Variants in FRMD4B observed in about 807,000 individuals in gnomAD.
FRMD4B encodes FERM domain-containing protein 4B.
FRMD4B carries 74 observed loss-of-function variants against 141.5 expected under a neutral mutation model. The ratio of observed to expected loss-of-function variants is 0.52; its 90% confidence interval spans 0.43 to 0.63. FRMD4B has a LOEUF of 0.63. Among genes scored for constraint, FRMD4B ranks in the 30% least tolerant of loss-of-function variants. FRMD4B has a pLI of 0.00. For missense variants in FRMD4B, 1,366 were observed against 1,253.4 expected (o/e 1.09, Z -1.36); for synonymous variants, 506 against 467.9 (o/e 1.08, Z -1.05).
intron 1 of FRMD4B, among the ~76,000 whole-genome samples, chr3:69,326,678 C>T (rs1416930720): frequency 6.6e-6 from 1 of 152,100 alleles, no homozygotes; most frequent in Non-Finnish European, 1.5e-5. Flanking sequence ...AGGGGCTAGG[C>T]CAAGCTCAAA....
chr3:69,485,847 C>T (rs977373644), intron 1 of FRMD4B, among the ~76,000 whole-genome samples: 1 of 152,246 alleles, frequency 6.6e-6, no homozygotes. Flanking sequence ...GGGCTGTCCA[C>T]CTCCCTGTGC....
chr3:69,274,833 T>C (rs566770272), intron 5 of FRMD4B, among the ~76,000 whole-genome samples: 6 of 152,340 alleles, frequency 3.9e-5, no homozygotes, highest in South Asian at 4.1e-4. Context: ...TGTTGATTCT[T>C]TAATCATTCA....
intron 1 of FRMD4B, among the ~76,000 whole-genome samples, chr3:69,528,956 C>T (rs764009392): frequency 3.9e-5 from 6 of 152,168 alleles, no homozygotes; most frequent in Non-Finnish European, 8.8e-5. Context: ...CCCTGTTCAT[C>T]ACTGGAGGGA....
intron 2 of FRMD4B, among the ~76,000 whole-genome samples, chr3:69,401,316 A>T (rs576700920): frequency 1.3e-5 from 2 of 152,194 alleles, no homozygotes; most frequent in South Asian, 4.1e-4. Context: ...GGGACAGAGG[A>T]GGGATATCAG....
intron 5 of FRMD4B, among the ~76,000 whole-genome samples, chr3:69,266,470 C>T (rs977182798): frequency 6.6e-6 from 1 of 152,116 alleles, no homozygotes; most frequent in South Asian, 2.1e-4. Context: ...GGATTACAGG[C>T]ACCTGCCACC....
chr3:69,486,570 C>T (rs1706219608), intron 1 of FRMD4B, among the ~76,000 whole-genome samples: 1 of 152,070 alleles, frequency 6.6e-6, no homozygotes, highest in Admixed American at 6.6e-5. Context: ...GGGAATTGAA[C>T]CTATAACTTC....
chr3:69,361,463 C>T, intron 1 of FRMD4B, among the ~76,000 whole-genome samples: 1 of 152,008 alleles, frequency 6.6e-6, no homozygotes, highest in South Asian at 2.1e-4. Context: ...CCACATCCCC[C>T]CCAAGATATA....
intron 11 of FRMD4B, among the ~76,000 whole-genome samples, chr3:69,213,517 ACTC>A (rs1398103460): frequency 6.6e-6 from 1 of 152,054 alleles, no homozygotes; most frequent in African/African-American, 2.4e-5. Flanking sequence ...TAGTACTTAT[ACTC>A]CTCCTGGAAA....
At chr3:69,369,317 T>G (rs968082849) in intron 1 of FRMD4B, among the ~76,000 whole-genome samples, 6 of 152,106 alleles carry the variant, frequency 3.9e-5, no homozygotes, top group Admixed American at 1.3e-4. Context: ...GATTTAAGCA[T>G]GACCTATTTA....
At chr3:69,460,273 T>C (rs1705689782) in intron 1 of FRMD4B, among the ~76,000 whole-genome samples, 1 of 152,238 alleles carries the variant, frequency 6.6e-6, no homozygotes, top group South Asian at 2.1e-4. Flanking sequence ...TCACATGTTG[T>C]TGGCCAGAGA....
At chr3:69,390,146 G>C (rs748533389), upstream of FRMD4B, among the ~76,000 whole-genome samples, 2 of 152,180 alleles carry the variant, frequency 1.3e-5, no homozygotes, top group Non-Finnish European at 2.9e-5. Context: ...ATGCCAAGAA[G>C]ATAGGACAAA....
rs536179158 is a variant in FRMD4B, at chr3:69,486,274, T to A, written c.-128-53513A>T. Among the ~76,000 whole-genome samples the A allele has an allele frequency of 2.3e-4, 35 of 152,342 alleles. No homozygotes were observed. In the South Asian group the frequency reaches 7.2e-3, roughly 32 times the overall value. On this transcript the variant is annotated intron_variant, in intron 1 of 5. Transcript: ENST00000459638. ...GGGGTAAAGGTGGTTTTTGGTTACA[T>A]GAGTAAGTTCTTTAGTGATCTGTGA...
chr3:69,377,760 T>C (rs1446063263), intron 1 of FRMD4B, among the ~76,000 whole-genome samples: 1 of 152,126 alleles, frequency 6.6e-6, no homozygotes, highest in East Asian at 1.9e-4. Flanking sequence ...GCAGTTTTTG[T>C]TGAGCCTGAA....
chr3:69,436,821 A>T (rs933591823), intron 1 of FRMD4B, among the ~76,000 whole-genome samples: 2 of 152,248 alleles, frequency 1.3e-5, no homozygotes, highest in Non-Finnish European at 2.9e-5. Context: ...TGAAAACATT[A>T]TACTAAATGA....
intron 17 of FRMD4B, among the ~76,000 whole-genome samples, chr3:69,191,166 C>T (rs892092836): frequency 1.1e-4 from 17 of 152,218 alleles, no homozygotes; most frequent in African/African-American, 3.9e-4. Context: ...CCCCTGTAAT[C>T]TCAGCACTTC....
At chr3:69,540,658 TATACAC>T (rs1464597555) in intron 1 of FRMD4B, among the ~76,000 whole-genome samples, 24 of 76,894 alleles carry the variant, frequency 3.1e-4, no homozygotes, top group South Asian at 1.1e-3. Context: ...TATATATATA[TATACAC>T]ACACACACAC....
At chr3:69,370,089 ATTTTGC>A (rs747603901) in intron 1 of FRMD4B, among the ~76,000 whole-genome samples, 1 of 151,276 alleles carries the variant, frequency 6.6e-6, no homozygotes, top group African/African-American at 2.4e-5. Context: ...CCAGAAATAA[ATTTTGC>A]TTTTGCTTTT....
intron 1 of FRMD4B, among the ~76,000 whole-genome samples, chr3:69,445,591 A>C (rs1705400339): frequency 6.6e-6 from 1 of 152,074 alleles, no homozygotes; most frequent in South Asian, 2.1e-4. Context: ...CTGAAATCTC[A>C]TTTCATGCCA....
At chr3:69,371,554 G>A (rs1472077556) in intron 1 of FRMD4B, among the ~76,000 whole-genome samples, 1 of 152,148 alleles carries the variant, frequency 6.6e-6, no homozygotes, top group Non-Finnish European at 1.5e-5. Context: ...AGGGGCGGTT[G>A]GCATTTGCAG....
Sources: gnomAD v4.1 joint callset for allele counts (sites outside exome capture counted in the v4.1 genomes callset) on GRCh38, gnomAD v4.1.1 for gene constraint, MANE v1.5 for transcripts, NCBI Gene and HGNC (gene_info 2026-07-23, HGNC 2026-07-21) for gene names.